Variants in TP53BP1 observed in about 807,000 individuals in gnomAD.
TP53BP1 encodes tumor protein p53 binding protein 1, also known as TP53-binding protein 1.
In TP53BP1, 61 loss-of-function variants were observed where a neutral mutation model predicts 200.8. That is an observed-to-expected ratio of 0.30 (90% CI 0.25 to 0.38). TP53BP1 has a LOEUF of 0.38. Among genes scored for constraint, TP53BP1 ranks in the 10% least tolerant of loss-of-function variants. The pLI, the probability that TP53BP1 is intolerant of heterozygous loss-of-function variation, is 1.00. For synonymous variants in TP53BP1, 822 were observed against 844.3 expected, an observed-to-expected ratio of 0.97 and a Z score of 0.46; for missense variants, 2,144 against 2,371.9, an observed-to-expected ratio of 0.90 and a Z score of 2.00.
chr15:43,507,538 A>G (rs1363565256), intron 1 of TP53BP1, among the ~76,000 whole-genome samples: 1 of 152,236 alleles, frequency 6.6e-6, no homozygotes, highest in African/African-American at 2.4e-5. Context: ...TCGTTTTACT[A>G]CCAGGCTTCT....
chr15:43,480,805 C>A (rs949963690), intron 5 of TP53BP1, 90 bp downstream of exon 5: 14 of 1,394,092 alleles, frequency 1.0e-5, no homozygotes, highest in Admixed American at 4.0e-5. Context: ...AAATCTGCAA[C>A]CTAATAAAGA....
upstream of TP53BP1, among the ~76,000 whole-genome samples, chr15:43,494,012 A>T (rs549682793): frequency 1.3e-5 from 2 of 152,302 alleles, no homozygotes; most frequent in Admixed American, 1.3e-4. Flanking sequence ...CAGGGTCTTA[A>T]AGAGGGTGTG....
Position 43,483,230 on chromosome 15 carries a change from C to T in TP53BP1, c.372-2208G>A, listed in dbSNP as rs2078998409. On this transcript the variant is annotated intron_variant, in intron 4 of 27. Coordinates refer to ENST00000382044, the MANE Select transcript of TP53BP1 (RefSeq NM_001141980.3). ...ACAATTAATCCTCCCCAAAAAAGTA[C>T]AGAACACACACACACACACACACAC... Among the ~76,000 whole-genome samples, 4 of 81,076 alleles carry T rather than the reference C, an allele frequency of 4.9e-5. 1 individual carries two copies. The South Asian group carries it at 1.7e-3, about 34-fold the overall frequency. The allele number at this position is 81,076 out of a possible 152,430, so 53.2% of individuals were successfully genotyped here. A position where few individuals can be genotyped will look rare whatever the true frequency, so the allele number is the denominator to read the frequency against.
intron 11 of TP53BP1, among the ~76,000 whole-genome samples, chr15:43,466,971 T>C (rs2046597367): frequency 6.6e-6 from 1 of 152,174 alleles, no homozygotes; most frequent in South Asian, 2.1e-4. Context: ...GAGGCCTTGT[T>C]TTAACTATCT....
chr15:43,422,596 C>G (rs915175683), intron 18 of TP53BP1, among the ~76,000 whole-genome samples: 2 of 152,154 alleles, frequency 1.3e-5, no homozygotes, highest in Non-Finnish European at 1.5e-5. Context: ...AGGAGCCCTT[C>G]TAGGTACTTC....
At chr15:43,510,244 G>C (rs1409184080) in intron 1 of TP53BP1, 1 of 152,372 alleles carries the variant, frequency 6.6e-6, no homozygotes, top group Non-Finnish European at 1.5e-5. Context: ...CTTGAAGATG[G>C]GAAGGTCTTT....
At chr15:43,479,776 C>T in intron 6 of TP53BP1, 83 bp downstream of exon 6, 1 of 1,526,040 alleles carries the variant, frequency 6.6e-7, no homozygotes, top group African/African-American at 1.4e-5. Context: ...TGGATAGCTG[C>T]AAAACTTATC....
In TP53BP1 at chr15:43,456,635, T is replaced by C. The variant is rs771071192; in HGVS notation, c.1973A>G (p.His658Arg). The change falls in exon 12 of 28, where the codon CAC (histidine) becomes CGC (arginine). Residue 658 changes from histidine to arginine, a missense_variant. By Grantham distance (29) the His-to-Arg change is conservative. Transcript: ENST00000382044. ...CCCTGAAGACCCCTCCTCTGGATGG[T>C]GTTCTTTAATTTCCATAGCTTCCTC... ...DQEEAMEIKE[H>R]HPEEGSSGSE... The C allele has an allele frequency of 2.5e-6, 4 of 1,614,142 alleles. No individual in the cohort carries two copies. The highest frequency in any genetic ancestry group is 3.4e-6 in the Non-Finnish European group (4 of 1,180,018).
intron 6 of TP53BP1, 116 bp downstream of exon 6, chr15:43,479,742 TA>T: frequency 7.5e-7 from 1 of 1,334,794 alleles, no homozygotes; most frequent in Non-Finnish European, 1.0e-6. Flanking sequence ...TCAACCTTAC[TA>T]AATTACTTAG....
Position 43,403,768 on chromosome 15 carries a change from G to A in TP53BP1, c.*3615C>T, listed in dbSNP as rs769082991. ...CAGAACCTAGGCCCACTGGATGAGCGTGGAGCCGCCCAGCTGAGCATTCTC... is the reference window on the plus strand; with the variant it reads ...CAGAACCTAGGCCCACTGGATGAGCATGGAGCCGCCCAGCTGAGCATTCTC... On this transcript the variant is annotated 3_prime_UTR_variant, in exon 28 of 28. Coordinates refer to ENST00000382044, the MANE Select transcript of TP53BP1 (RefSeq NM_001141980.3). The A allele has an allele frequency of 8.7e-6, 14 of 1,613,952 alleles. No homozygotes were observed. The East Asian group carries it at 1.1e-4, about 13-fold the overall frequency.
chr15:43,440,763 C>T (rs530354045), intron 15 of TP53BP1, among the ~76,000 whole-genome samples: 12 of 152,134 alleles, frequency 7.9e-5, no homozygotes, highest in African/African-American at 2.4e-4. Flanking sequence ...GTGGTACATG[C>T]CTGTAGCCCC....
chr15:43,460,793 C>T (rs1184979213), intron 11 of TP53BP1, among the ~76,000 whole-genome samples: 4 of 150,770 alleles, frequency 2.7e-5, no homozygotes, highest in Non-Finnish European at 5.9e-5. Context: ...AAGGCCGAGG[C>T]AGAAGGATTA....
At position 43,406,647 on chromosome 15, in the gene TP53BP1, G is replaced by A. The variant is rs867052879; in HGVS notation, c.*736C>T. 9 of 455,876 alleles carry A rather than the reference G, an allele frequency of 2.0e-5. No homozygotes were observed. Among genetic ancestry groups the A allele is most frequent in the African/African-American group, 1.8e-4 (9 of 50,168 alleles). 28.2% of individuals were successfully genotyped at this position (455,876 alleles called of 1,614,324 possible). ...GCTTTAGAGAATGAGAAGCCATGCA[G>A]GGATCAGTGATGCCAGAGGAAGGGA... On this transcript the variant is annotated 3_prime_UTR_variant, in exon 28 of 28. Transcript: ENST00000382044.
chr15:43,504,700 A>T (rs1023807608), intron 1 of TP53BP1, among the ~76,000 whole-genome samples: 4 of 152,240 alleles, frequency 2.6e-5, no homozygotes, highest in African/African-American at 9.6e-5. Context: ...CAAGTGGTTC[A>T]GACTGACTGA....
At chr15:43,472,982 A>G (rs1482589231) in intron 10 of TP53BP1, among the ~76,000 whole-genome samples, 2 of 151,538 alleles carry the variant, frequency 1.3e-5, no homozygotes, top group Non-Finnish European at 2.9e-5. Flanking sequence ...ATGTGTTCGG[A>G]GTTTCTTCCT....
At position 43,467,340 on chromosome 15, in the gene TP53BP1, A is replaced by T. The variant is rs192950011; in HGVS notation, c.1389+2518T>A. On this transcript the variant is annotated intron_variant, in intron 11 of 27. Transcript: ENST00000382044. ...CGGCCTCCCAAAGTGCTGCAATTAT[A>T]GGTGTGGGCTACTGCGCCCGGCCTA... Among the ~76,000 whole-genome samples, 298 of 152,156 alleles carry T rather than the reference A, an allele frequency of 2.0e-3. 2 individuals are homozygous for T. Among genetic ancestry groups the T allele is most frequent in the African/African-American group, 6.7e-3 (278 of 41,516 alleles).
Position 43,420,517 on chromosome 15 carries a change from C to G in TP53BP1, c.4469G>C (p.Ser1490Thr). 1 of 1,614,192 alleles carries G rather than the reference C, an allele frequency of 6.2e-7. No individual in the cohort carries two copies. Among genetic ancestry groups the G allele is most frequent in the African/African-American group, 1.3e-5 (1 of 75,028 alleles). ...DGLDASSPGN[S>T]FVGLRVVAKW... ...GGCTACAACACGGAGCCCTACAAAG[C>G]TATTTCCTGGAGAGGAGGCATCTAA... Residue 1490 changes from serine (S) to threonine (T), a missense_variant, in exon 21 of 28, where the codon AGC (serine) becomes ACC (threonine). Coordinates refer to ENST00000382044, the MANE Select transcript of TP53BP1 (RefSeq NM_001141980.3).
intron 11 of TP53BP1, among the ~76,000 whole-genome samples, chr15:43,464,313 C>T (rs2046511320): frequency 6.6e-6 from 1 of 151,720 alleles, no homozygotes; most frequent in Non-Finnish European, 1.5e-5. Context: ...GATAGTATAT[C>T]AATAAAACAA....
Position 43,456,611 on chromosome 15 carries a change from C to T in TP53BP1, c.1997G>A (p.Gly666Glu). 1.2e-6 allele frequency: 2 copies of T among 1,614,044 alleles called. No homozygotes were observed. Among genetic ancestry groups the T allele is most frequent in the Non-Finnish European group, 1.7e-6 (2 of 1,179,998 alleles). Residue 666 changes from glycine to glutamate, a missense_variant, in exon 12 of 28, where the codon GGG (glycine) becomes GAG (glutamate). By Grantham distance (98) the Gly-to-Glu change is moderately conservative (BLOSUM62 -2). Coordinates refer to ENST00000382044, the MANE Select transcript of TP53BP1 (RefSeq NM_001141980.3). ...KEHHPEEGSS[G>E]SEVEEIPETP... Reference sequence around the variant, plus strand: ...CTCAGGGATTTCTTCCACCTCAGACCCTGAAGACCCCTCCTCTGGATGGTG... The same window carrying T: ...CTCAGGGATTTCTTCCACCTCAGACTCTGAAGACCCCTCCTCTGGATGGTG...
Sources: gnomAD v4.1 joint callset for allele counts (sites outside exome capture counted in the v4.1 genomes callset) on GRCh38, gnomAD v4.1.1 for gene constraint, MANE v1.5 for transcripts, NCBI Gene and HGNC (gene_info 2026-07-23, HGNC 2026-07-21) for gene names.